Variants in LRRC27 observed in about 807,000 individuals in gnomAD.
The protein encoded by LRRC27 is leucine rich repeat containing 27, also known as leucine-rich repeat-containing protein 27.
Under a neutral mutation model 55.0 loss-of-function variants are expected in LRRC27, and 57 were observed. The observed-to-expected ratio is 1.04, with a 90% CI of 0.84 to 1.29. LRRC27 has a LOEUF of 1.29. LRRC27 is among the 50% of genes most tolerant of loss of function. LRRC27 has a pLI of 0.00. For synonymous variants in LRRC27, 278 were observed against 251.9 expected, an observed-to-expected ratio of 1.10 and a Z score of -0.98; for missense variants, 721 against 651.5, an observed-to-expected ratio of 1.11 and a Z score of -1.16.
At chr10:132,332,595 T>TA (rs2066845300) in intron 1 of LRRC27, 1 of 152,164 alleles carries the variant, frequency 6.6e-6, no homozygotes, top group Non-Finnish European at 1.5e-5. Context: ...TTCTGAGGTT[T>TA]GAAGCCTCCC....
chr10:132,373,490 G>A (rs1265697031), intron 10 of LRRC27, among the ~76,000 whole-genome samples: 1 of 152,166 alleles, frequency 6.6e-6, no homozygotes, highest in Non-Finnish European at 1.5e-5. Context: ...ACAGAACCAG[G>A]CACTGGGAGG....
rs2069346449 is a variant in LRRC27, at chr10:132,377,017, A to G, written c.*1775A>G. 6.6e-6 allele frequency: 1 copy of G among 152,232 alleles called. No homozygotes were observed. The highest frequency in any genetic ancestry group is 6.5e-5 in the Admixed American group (1 of 15,290). 9.4% of individuals were successfully genotyped at this position (152,232 alleles called of 1,614,324 possible). On this transcript the variant is annotated 3_prime_UTR_variant, in exon 11 of 11. Coordinates refer to ENST00000368614, the MANE Select transcript of LRRC27 (RefSeq NM_030626.3). ...CGAACTGACCTTGTCATTATTATGA[A>G]CTATTTCTCTTCGCCTCTCCTTTTC...
At chr10:132,346,013 C>T (rs976964425) in intron 5 of LRRC27, among the ~76,000 whole-genome samples, 3 of 152,140 alleles carry the variant, frequency 2.0e-5, no homozygotes, top group African/African-American at 4.8e-5. Context: ...ATGGGACGCT[C>T]CTGGTTTTGG....
chr10:132,331,510 G>T (rs766824609), upstream of LRRC27: 1 of 1,612,804 alleles, frequency 6.2e-7, no homozygotes, highest in Non-Finnish European at 8.5e-7. Context: ...CTGAGTCTGC[G>T]TTCCCCTGGC....
rs1237624226 is a variant in LRRC27 at position 132,376,454 on chromosome 10, C to T, written c.*1212C>T. 1 of 152,274 alleles carries T rather than the reference C, an allele frequency of 6.6e-6. No individual in the cohort carries two copies. The highest frequency in any genetic ancestry group is 2.4e-5 in the African/African-American group (1 of 41,474). 9.4% of individuals were successfully genotyped at this position (152,274 alleles called of 1,614,324 possible). On this transcript the variant is annotated 3_prime_UTR_variant, in exon 11 of 11. Coordinates refer to ENST00000368614, the MANE Select transcript of LRRC27 (RefSeq NM_030626.3). ...TCAGTGACCTGTTGCGGCCCAGCGG[C>T]TGGAGCAGCAGACGTTTGCCATTTC...
At chr10:132,330,675 T>C (rs889392388), upstream of LRRC27, among the ~76,000 whole-genome samples, 15 of 56,308 alleles carry the variant, frequency 2.7e-4, no homozygotes, top group African/African-American at 1.2e-3. Context: ...ACCCAGCATT[T>C]TTTTTTTTTT....
chr10:132,352,075 G>A (rs1321079687), intron 7 of LRRC27, among the ~76,000 whole-genome samples: 1 of 65,138 alleles, frequency 1.5e-5, no homozygotes, highest in Non-Finnish European at 3.7e-5. Flanking sequence ...GCAGGCGCAG[G>A]TGCAGCGCTC....
At position 132,378,144 on chromosome 10, in the gene LRRC27, C is replaced by T. The variant is rs2069361774; in HGVS notation, c.*2902C>T. 6.7e-6 allele frequency: 1 copy of T among 150,324 alleles called. No individual in the cohort carries two copies. Among genetic ancestry groups the T allele is most frequent in the Non-Finnish European group, 1.5e-5 (1 of 67,802 alleles). The allele number at this position is 150,324 out of a possible 1,614,324, so 9.3% of individuals were successfully genotyped here. On this transcript the variant is annotated 3_prime_UTR_variant, in exon 11 of 11. Coordinates refer to ENST00000368614, the MANE Select transcript of LRRC27 (RefSeq NM_030626.3). ...GAGCCGAGATCGCGCCACTGCACTC[C>T]AGCCTGGGCGACAGAGCGAGACTCC...
intron 7 of LRRC27, chr10:132,352,831 G>C (rs369822603): frequency 6.3e-7 from 1 of 1,599,420 alleles, no homozygotes; most frequent in African/African-American, 1.3e-5. Flanking sequence ...GCTTCCTCAC[G>C]ACACCTGCCT....
At chr10:132,343,022 T>A (rs1002774169) in intron 4 of LRRC27, among the ~76,000 whole-genome samples, 1 of 152,224 alleles carries the variant, frequency 6.6e-6, no homozygotes. Context: ...AAAAGAACAG[T>A]TGAGACCACG....
upstream of LRRC27, chr10:132,330,466 C>G (rs1217276520): frequency 1.4e-6 from 1 of 717,090 alleles, no homozygotes; most frequent in East Asian, 2.7e-5. Flanking sequence ...TGAGAAGGTA[C>G]TGGTTGTGCT....
chr10:132,331,675 G>C (rs763570586), upstream of LRRC27: 8 of 1,612,662 alleles, frequency 5.0e-6, no homozygotes, highest in Admixed American at 5.0e-5. Flanking sequence ...TTTTCTGCTC[G>C]GCTGTCCTCG....
intron 3 of LRRC27, among the ~76,000 whole-genome samples, chr10:132,340,715 C>A: frequency 6.6e-6 from 1 of 151,976 alleles, no homozygotes. Context: ...CCTATAGTCC[C>A]AGCACTTTGA....
intron 9 of LRRC27, among the ~76,000 whole-genome samples, chr10:132,364,817 C>T (rs573859509): frequency 5.0e-5 from 6 of 120,014 alleles, no homozygotes; most frequent in Admixed American, 1.6e-4. Flanking sequence ...CTTACACCCA[C>T]CCTTACATCT....
At chr10:132,331,975 T>A, upstream of LRRC27, 1 of 299,632 alleles carries the variant, frequency 3.3e-6, no homozygotes, top group Non-Finnish European at 5.4e-6. Context: ...CCCCGCCCCC[T>A]CCCGGGCAGG....
At chr10:132,365,335 G>A (rs2069016942) in intron 9 of LRRC27, 89 bp from the exon 10 acceptor site, 8 of 1,533,802 alleles carry the variant, frequency 5.2e-6, no homozygotes, top group Middle Eastern at 3.4e-4. Context: ...GGGAAGAAAG[G>A]CACATGCTTT....
At chr10:132,364,604 C>T (rs540752405) in intron 9 of LRRC27, among the ~76,000 whole-genome samples, 2 of 124,406 alleles carry the variant, frequency 1.6e-5, no homozygotes, top group East Asian at 4.5e-4. Flanking sequence ...AGGCAGTCCG[C>T]GTCCACGCTT....
chr10:132,350,198 T>C (rs2067937656), intron 6 of LRRC27, among the ~76,000 whole-genome samples: 1 of 152,202 alleles, frequency 6.6e-6, no homozygotes, highest in Admixed American at 6.5e-5. Context: ...GTAAAAATCA[T>C]AGGTAAATAA....
At position 132,333,607 on chromosome 10, in the gene LRRC27, C is replaced by T; in HGVS notation, c.83C>T (p.Pro28Leu). ...GGTGCTGGTCAGACTAGGAGCTTGC[C>T]TGCCACCCCCTCCAAAGATGTTCAC... is the stretch of plus-strand genomic sequence containing the variant. Reference protein sequence around the residue: ...EEGAGQTRSLPATPSKDVHKG... With the variant: ...EEGAGQTRSLLATPSKDVHKG... The change falls in exon 2 of 11, where the codon CCT becomes CTT. Residue 28 changes from proline to leucine, a missense_variant. Physicochemically the swap from Pro to Leu is moderately conservative, Grantham distance 98. Transcript: ENST00000368614. 1 of 1,612,826 alleles carries T rather than the reference C, an allele frequency of 6.2e-7. No homozygotes were observed. Among genetic ancestry groups the T allele is most frequent in the Non-Finnish European group, 8.5e-7 (1 of 1,179,998 alleles).
Sources: gnomAD v4.1 joint callset for allele counts (sites outside exome capture counted in the v4.1 genomes callset) on GRCh38, gnomAD v4.1.1 for gene constraint, MANE v1.5 for transcripts, NCBI Gene and HGNC (gene_info 2026-07-23, HGNC 2026-07-21) for gene names.